PTPRT: variants seen among roughly 807,000 people sequenced by gnomAD.
PTPRT encodes the protein receptor-type tyrosine-protein phosphatase T.
PTPRT carries 56 observed loss-of-function variants against 176.8 expected under a neutral mutation model. The observed-to-expected ratio is 0.32, with a 90% CI of 0.26 to 0.40. PTPRT has a LOEUF of 0.40. Among genes scored for constraint, PTPRT ranks in the 10% least tolerant of loss-of-function variants. PTPRT has a pLI of 1.00. For missense variants in PTPRT, 1,540 were observed against 1,908.2 expected, an observed-to-expected ratio of 0.81 and a Z score of 3.60; for synonymous variants, 783 against 739.0, an observed-to-expected ratio of 1.06 and a Z score of -0.96.
At chr20:42,222,743 ATTTG>A (rs2055914313) in intron 15 of PTPRT, among the ~76,000 whole-genome samples, 1 of 152,140 alleles carries the variant, frequency 6.6e-6, no homozygotes, top group Non-Finnish European at 1.5e-5. Context: ...CATCAGTATT[ATTTG>A]TAATATGCTT....
intron 10 of PTPRT, 106 bp downstream of exon 10, chr20:42,351,978 C>T: frequency 9.4e-7 from 1 of 1,060,340 alleles, no homozygotes; most frequent in Admixed American, 1.9e-5. Context: ...GTCCTAATTC[C>T]ACCCATATCA....
chr20:42,756,703 C>T, intron 5 of PTPRT, 67 bp from the exon 6 acceptor site: 1 of 1,330,730 alleles, frequency 7.5e-7, no homozygotes, highest in Non-Finnish European at 1.0e-6. Flanking sequence ...TGACTCCCAA[C>T]ACGGATATCC....
intron 13 of PTPRT, chr20:42,270,379 C>CCGGGGG: frequency 1.3e-6 from 2 of 1,541,566 alleles, no homozygotes; most frequent in Non-Finnish European, 1.8e-6. Flanking sequence ...CCCACCCGCC[C>CCGGGGG]AGGGCTCTGG....
rs1395906234 is a variant in PTPRT at position 43,111,739 on chromosome 20, A to G, written c.88+77907T>C. On this transcript the variant is annotated intron_variant, in intron 1 of 30. Coordinates refer to ENST00000373187, the MANE Select transcript of PTPRT (RefSeq NM_007050.6). ...AGTCCTCATTTGGAAAGGAAGAAAAAAAATGGATCCTTAAAGAAACTTGTA... is the reference window on the plus strand; with the variant it reads ...AGTCCTCATTTGGAAAGGAAGAAAAGAAATGGATCCTTAAAGAAACTTGTA... Among the ~76,000 whole-genome samples the G allele has an allele frequency of 3.3e-5, 5 of 152,242 alleles. No individual in the cohort carries two copies. In the East Asian group the frequency reaches 9.7e-4, roughly 29 times the overall value.
At chr20:42,692,064 T>C (rs961776547) in intron 6 of PTPRT, among the ~76,000 whole-genome samples, 1 of 152,214 alleles carries the variant, frequency 6.6e-6, no homozygotes, top group African/African-American at 2.4e-5. Flanking sequence ...AGCTAGAACA[T>C]CTTGGAACAA....
chr20:42,252,362 G>T (rs1482320090), intron 13 of PTPRT, among the ~76,000 whole-genome samples: 1 of 152,180 alleles, frequency 6.6e-6, no homozygotes, highest in Non-Finnish European at 1.5e-5. Context: ...GTACACAGAT[G>T]GTATTTGAAG....
At chr20:43,116,474 T>G (rs1433103787) in intron 1 of PTPRT, among the ~76,000 whole-genome samples, 1 of 152,216 alleles carries the variant, frequency 6.6e-6, no homozygotes. Context: ...CCAAGAGTTA[T>G]TTATCAGACA....
chr20:42,803,194 C>A (rs2077555654), intron 2 of PTPRT, among the ~76,000 whole-genome samples: 1 of 152,236 alleles, frequency 6.6e-6, no homozygotes, highest in South Asian at 2.1e-4. Context: ...AGGAACATCT[C>A]TCTTTGCCAG....
intron 9 of PTPRT, among the ~76,000 whole-genome samples, chr20:42,385,969 T>C (rs1247707169): frequency 6.6e-6 from 1 of 152,162 alleles, no homozygotes; most frequent in Non-Finnish European, 1.5e-5. Flanking sequence ...AGTTTTCTTA[T>C]CACAATATAA....
chr20:42,073,039 T>C lies in PTPRT; in HGVS notation c.*7840A>G. On this transcript the variant is annotated 3_prime_UTR_variant, in exon 31 of 31. Transcript: ENST00000373187. ...AAAGTTGATTTATTTTGTTTTCTCTTCTCATACGTGCTTTATCTATCAAAC... is the reference window on the plus strand; with the variant it reads ...AAAGTTGATTTATTTTGTTTTCTCTCCTCATACGTGCTTTATCTATCAAAC... The C allele has an allele frequency of 4.5e-6, 1 of 221,748 alleles. No homozygotes were observed. Among genetic ancestry groups the C allele is most frequent in the East Asian group, 6.6e-5 (1 of 15,200 alleles). 13.7% of individuals were successfully genotyped at this position (221,748 alleles called of 1,614,324 possible). A position where few individuals can be genotyped will look rare whatever the true frequency, so the allele number is the denominator to read the frequency against.
chr20:42,633,978 T>A (rs1183179660), intron 7 of PTPRT, among the ~76,000 whole-genome samples: 1 of 29,598 alleles, frequency 3.4e-5, no homozygotes, highest in African/African-American at 2.4e-4. Flanking sequence ...TTATAATATA[T>A]TATATATTAT....
intron 7 of PTPRT, among the ~76,000 whole-genome samples, chr20:42,673,103 A>G (rs1010249714): frequency 2.0e-5 from 3 of 152,222 alleles, no homozygotes; most frequent in Non-Finnish European, 4.4e-5. Context: ...ACTTGTGGGC[A>G]GAGGAGGTCC....
intron 7 of PTPRT, among the ~76,000 whole-genome samples, chr20:42,582,698 A>G (rs557445904): frequency 6.6e-6 from 1 of 152,302 alleles, no homozygotes; most frequent in South Asian, 2.1e-4. Flanking sequence ...AGAGTCAGGC[A>G]TGCTCTGGTC....
intron 14 of PTPRT, among the ~76,000 whole-genome samples, chr20:42,241,781 C>G (rs1286270399): frequency 6.6e-6 from 1 of 152,052 alleles, no homozygotes; most frequent in Non-Finnish European, 1.5e-5. Context: ...CAGTTTAGAA[C>G]AGGATGAACA....
Position 42,735,762 on chromosome 20 carries a change from G to A in PTPRT, c.859+20700C>T, listed in dbSNP as rs118168597. ...CATGGCTGGGAGCCAGCCCTGCTCT[G>A]GGGCTTCTCGTGCCTCTCTGTGGGT... On this transcript the variant is annotated intron_variant, in intron 6 of 30. Transcript: ENST00000373187. Among the ~76,000 whole-genome samples, 1,273 of 152,118 alleles carry A rather than the reference G, an allele frequency of 8.4e-3. 16 individuals carry two copies. The highest frequency in any genetic ancestry group is 0.01 in the Non-Finnish European group (706 of 67,992).
At chr20:42,400,544 G>A (rs1402310185) in intron 9 of PTPRT, among the ~76,000 whole-genome samples, 4 of 152,032 alleles carry the variant, frequency 2.6e-5, no homozygotes, top group African/African-American at 9.7e-5. Context: ...AGTAGGTCAG[G>A]AAAGACACCA....
chr20:42,043,205 G>A, the PTPRT span, among the ~76,000 whole-genome samples: 1 of 152,218 alleles, frequency 6.6e-6, no homozygotes. Context: ...CAATCAGCCT[G>A]TGGAGGTAGG....
intron 9 of PTPRT, among the ~76,000 whole-genome samples, chr20:42,440,594 C>T (rs1224563141): frequency 1.3e-5 from 2 of 151,914 alleles, no homozygotes; most frequent in Non-Finnish European, 2.9e-5. Flanking sequence ...TCTCCTGCCT[C>T]AGCCTCCCGA....
At chr20:42,692,360 G>T (rs2075806223) in intron 6 of PTPRT, among the ~76,000 whole-genome samples, 1 of 152,120 alleles carries the variant, frequency 6.6e-6, no homozygotes, top group Admixed American at 6.5e-5. Flanking sequence ...ACCACATTAA[G>T]TTTATGCTGG....
Sources: allele counts gnomAD v4.1 joint callset (sites outside exome capture counted in the v4.1 genomes callset), GRCh38; gene constraint gnomAD v4.1.1; transcripts MANE v1.5; gene names NCBI Gene and HGNC (gene_info 2026-07-23, HGNC 2026-07-21).